Variants in IL17B observed in about 807,000 individuals in gnomAD.
IL17B encodes interleukin 17B.
A neutral mutation model predicts 14.7 loss-of-function variants in IL17B; 14 were observed. The observed-to-expected ratio is 0.95, with a 90% confidence interval of 0.63 to 1.49. The LOEUF (loss-of-function observed/expected upper bound fraction) is 1.49, where lower values mean the gene tolerates loss of function less well. Ranked by LOEUF, IL17B falls within the 40% of genes most tolerant of loss-of-function variation. The probability of loss-of-function intolerance (pLI) is 0.00; values close to 1 mark genes in which losing one functional copy is unlikely to be tolerated. For synonymous variants in IL17B, 105 were observed against 94.8 expected (o/e 1.11, Z -0.62); for missense variants, 233 against 252.8 (o/e 0.92, Z 0.53).
At chr5:149,395,284 T>C (rs776243294) in intron 1 of IL17B, among the ~76,000 whole-genome samples, 1 of 152,202 alleles carries the variant, frequency 6.6e-6, no homozygotes, top group Non-Finnish European at 1.5e-5. Flanking sequence ...GCATTTAGGT[T>C]GATACCATGT....
intron 2 of IL17B, among the ~76,000 whole-genome samples, chr5:149,375,329 C>T (rs763225631): frequency 3.3e-5 from 5 of 152,170 alleles, no homozygotes; most frequent in South Asian, 2.1e-4. Flanking sequence ...TTCTGCACCT[C>T]GGTTTCCCCA....
intron 1 of IL17B, among the ~76,000 whole-genome samples, chr5:149,388,179 G>C (rs537982374): frequency 6.6e-6 from 1 of 152,362 alleles, no homozygotes; most frequent in South Asian, 2.1e-4. Flanking sequence ...TTCTGAGTCA[G>C]CTCTGGAGAG....
upstream of IL17B, among the ~76,000 whole-genome samples, chr5:149,384,051 G>A (rs1001659659): frequency 6.6e-6 from 1 of 152,328 alleles, no homozygotes; most frequent in Non-Finnish European, 1.5e-5. Context: ...TTAGCAAAGC[G>A]GGAACGCTTT....
Position 149,374,421 on chromosome 5 carries a change from C to T in IL17B, c.491G>A (p.Arg164His), listed in dbSNP as rs756453286. ...GATGGTCTCCATGACTGCGCGCTGG[C>T]GGCAAGGCCCTGTGCGGGGCGGTGG... ...CPPPPRTGPC[R>H]QRAVMETIAV... Residue 164 changes from arginine (R) to histidine (H), a missense_variant, in exon 3 of 3, where the codon CGC becomes CAC. Coordinates refer to ENST00000261796, the MANE Select transcript of IL17B (RefSeq NM_014443.3). The surrounding 1 kb of genome is among the most constrained non-coding windows in gnomAD (Gnocchi z 5.0). The T allele has an allele frequency of 1.7e-4, 280 of 1,605,386 alleles. No individual in the cohort carries two copies. Among genetic ancestry groups the T allele is most frequent in the Non-Finnish European group, 2.3e-4 (270 of 1,178,042 alleles).
chr5:149,392,615 G>A (rs1412347214), intron 1 of IL17B, among the ~76,000 whole-genome samples: 1 of 152,196 alleles, frequency 6.6e-6, no homozygotes, highest in African/African-American at 2.4e-5. Context: ...TCTCTGGGGA[G>A]GGGAATGGGT....
intron 1 of IL17B, among the ~76,000 whole-genome samples, chr5:149,390,583 GT>G (rs2127620860): frequency 1.3e-5 from 1 of 78,770 alleles, no homozygotes; most frequent in African/African-American, 5.6e-5. Context: ...CCATCCCTGA[GT>G]TAGCACACAC....
At chr5:149,381,387 C>T (rs914213225), upstream of IL17B, among the ~76,000 whole-genome samples, 2 of 152,216 alleles carry the variant, frequency 1.3e-5, no homozygotes, top group African/African-American at 4.8e-5. Context: ...CATCATCTGG[C>T]CCCCTCCTCC....
intron 1 of IL17B, among the ~76,000 whole-genome samples, chr5:149,399,185 CA>C (rs1384295268): frequency 1.3e-5 from 2 of 152,140 alleles, no homozygotes; most frequent in African/African-American, 4.8e-5. Flanking sequence ...GGGACGCAGC[CA>C]AACCATATCA....
At chr5:149,385,943 C>T (rs966722942) in intron 1 of IL17B, among the ~76,000 whole-genome samples, 2 of 152,190 alleles carry the variant, frequency 1.3e-5, no homozygotes, top group Non-Finnish European at 2.9e-5. Flanking sequence ...CCAGCAGCTG[C>T]GTAGGGAGAG....
chr5:149,390,230 CT>C (rs1561715886), intron 1 of IL17B, among the ~76,000 whole-genome samples: 19 of 146,342 alleles, frequency 1.3e-4, no homozygotes, highest in African/African-American at 3.4e-4. Context: ...CCCCCCCTCC[CT>C]GTCCCTGGGG....
upstream of IL17B, chr5:149,379,416 A>G (rs1051878088): frequency 1.5e-6 from 1 of 647,530 alleles, no homozygotes; most frequent in Non-Finnish European, 2.7e-6. Flanking sequence ...GCGCAGTGGC[A>G]GGCGGTGAGG....
Position 149,374,523 on chromosome 5 carries a change from A to G in IL17B, c.389T>C (p.Phe130Ser). 1 of 1,613,308 alleles carries G rather than the reference A, an allele frequency of 6.2e-7. No homozygotes were observed. The highest frequency in any genetic ancestry group is 8.5e-7 in the Non-Finnish European group (1 of 1,180,008). Reference sequence around the variant, plus strand: ...CATGCTGCGGTCCTCCTGCATGGTGAAGGGGTTCACACAGCCCAGACACAG... The same window carrying G: ...CATGCTGCGGTCCTCCTGCATGGTGGAGGGGTTCACACAGCCCAGACACAG... Reference protein sequence around the residue: ...RCLCLGCVNPFTMQEDRSMVS... With the variant: ...RCLCLGCVNPSTMQEDRSMVS... The change falls in exon 3 of 3, where the codon TTC becomes TCC. Residue 130 changes from phenylalanine to serine, a missense_variant. By Grantham distance (155) the Phe-to-Ser change is radical. Transcript: ENST00000261796. This position sits in a 1 kb window ranked among gnomAD's most constrained non-coding sequence, Gnocchi z 5.0.
intron 1 of IL17B, among the ~76,000 whole-genome samples, chr5:149,390,630 C>CACACACACACAGAGAGAGAG (rs1491235916): frequency 8.0e-4 from 105 of 132,074 alleles, no homozygotes; most frequent in African/African-American, 2.8e-3. Flanking sequence ...CACACACACA[C>CACACACACACAGAGAGAGAG]AGAGATACAC....
upstream of IL17B, among the ~76,000 whole-genome samples, chr5:149,382,071 T>G (rs1255838157): frequency 6.6e-6 from 1 of 152,328 alleles, no homozygotes; most frequent in East Asian, 1.9e-4. Context: ...ATGGCGCCAC[T>G]AGAAAGCCAG....
chr5:149,387,064 G>A (rs539959961), intron 1 of IL17B, among the ~76,000 whole-genome samples: 10 of 150,506 alleles, frequency 6.6e-5, no homozygotes, highest in Non-Finnish European at 1.2e-4. Flanking sequence ...GATATTTTAG[G>A]ACCAGCCCAC....
At chr5:149,379,040 C>G (rs1304923695) in intron 1 of IL17B, among the ~76,000 whole-genome samples, 165 bp downstream of exon 1, 1 of 152,232 alleles carries the variant, frequency 6.6e-6, no homozygotes, top group Non-Finnish European at 1.5e-5. Flanking sequence ...GCCATGGCTA[C>G]AGTGACCAGT....
chr5:149,391,299 C>G (rs2063276851), intron 1 of IL17B, among the ~76,000 whole-genome samples: 1 of 152,162 alleles, frequency 6.6e-6, no homozygotes. Flanking sequence ...AGCCTCTTAA[C>G]TCTGGGTGGG....
chr5:149,403,243 C>A (rs1276222336), intron 1 of IL17B, among the ~76,000 whole-genome samples: 1 of 151,846 alleles, frequency 6.6e-6, no homozygotes, highest in Admixed American at 6.6e-5. Flanking sequence ...GTCCACCATG[C>A]CCAGCTAATT....
upstream of IL17B, among the ~76,000 whole-genome samples, chr5:149,382,323 A>G (rs1044269776): frequency 1.3e-5 from 2 of 152,148 alleles, no homozygotes; most frequent in African/African-American, 4.8e-5. Context: ...CACCGATTCC[A>G]GGGGTCGGGT....
Sources: allele counts gnomAD v4.1 joint callset (sites outside exome capture counted in the v4.1 genomes callset), GRCh38; gene constraint gnomAD v4.1.1; non-coding constraint Gnocchi (gnomAD v3.1); transcripts MANE v1.5; gene names NCBI Gene and HGNC (gene_info 2026-07-23, HGNC 2026-07-21).